Variants in ATXN7L1 observed in about 807,000 individuals in gnomAD.
ATXN7L1 encodes the protein ataxin-7-like protein 1.
ATXN7L1 carries 15 observed loss-of-function variants against 70.8 expected under a neutral mutation model. The observed-to-expected ratio is 0.21, with a 90% CI of 0.14 to 0.33. ATXN7L1 has a LOEUF of 0.33. Ranked by LOEUF, ATXN7L1 falls within the 10% of genes least tolerant of loss-of-function variation. The probability of loss-of-function intolerance (pLI) is 1.00; values close to 1 mark genes in which losing one functional copy is unlikely to be tolerated. For missense variants in ATXN7L1, 975 were observed against 1,097.1 expected (o/e 0.89, Z 1.57); for synonymous variants, 440 against 445.1 (o/e 0.99, Z 0.14).
rs375919209 is a variant in ATXN7L1, at chr7:105,706,566, A to AAAAAAC, written c.356-41284_356-41279dup. Among the ~76,000 whole-genome samples the AAAAAAC allele has an allele frequency of 5.2e-4, 79 of 152,266 alleles. 1 individual carries two copies. The highest frequency in any genetic ancestry group is 1.5e-3 in the South Asian group (7 of 4,816). The stretch of plus-strand genomic sequence containing the variant: ...AAAACACCACCACCACCACCACCAA[A>AAAAAAC]AAAAACAAAAACAAAAACAAAAACA... On this transcript the variant is annotated intron_variant, in intron 3 of 11. Transcript: ENST00000419735.
At chr7:105,750,009 GCTGTACCCCACAGGA>G in intron 3 of ATXN7L1, among the ~76,000 whole-genome samples, 1 of 151,824 alleles carries the variant, frequency 6.6e-6, no homozygotes, top group African/African-American at 2.4e-5. Flanking sequence ...GCCTTTAACA[GCTGTACCCCACAGGA>G]ACCTATGAGG....
intron 8 of ATXN7L1, among the ~76,000 whole-genome samples, chr7:105,623,037 T>C (rs1311956434): frequency 6.6e-6 from 1 of 152,154 alleles, no homozygotes; most frequent in Non-Finnish European, 1.5e-5. Flanking sequence ...GCCAGATGAG[T>C]TGAATGTTCC....
intron 3 of ATXN7L1, among the ~76,000 whole-genome samples, chr7:105,682,097 C>T (rs181533300): frequency 9.3e-4 from 141 of 152,096 alleles, no homozygotes; most frequent in South Asian, 1.5e-3. Context: ...TGGTGGTGTG[C>T]ACCTGTAGTC....
At chr7:105,692,415 T>TTCCTTCCTTCCCTCCCTCCCTCCCTCCC (rs1554431656) in intron 3 of ATXN7L1, among the ~76,000 whole-genome samples, 1 of 134,764 alleles carries the variant, frequency 7.4e-6, no homozygotes, top group Non-Finnish European at 1.6e-5. Context: ...CCTTCCTTCC[T>TTCCTTCCTTCCCTCCCTCCCTCCCTCCC]TCCTTCCTTC....
chr7:105,633,381 G>A (rs1244248667), intron 7 of ATXN7L1, among the ~76,000 whole-genome samples: 3 of 152,192 alleles, frequency 2.0e-5, no homozygotes, highest in African/African-American at 7.2e-5. Flanking sequence ...AATTATTTAA[G>A]CACAGTTTAA....
intron 2 of ATXN7L1, among the ~76,000 whole-genome samples, chr7:105,862,340 G>A (rs1479112569): frequency 1.3e-5 from 2 of 152,100 alleles, no homozygotes; most frequent in Non-Finnish European, 2.9e-5. Context: ...GAGGGAGGCT[G>A]AGGTGGGAGG....
intron 3 of ATXN7L1, among the ~76,000 whole-genome samples, chr7:105,787,385 T>G (rs1330492993): frequency 3.3e-5 from 5 of 152,122 alleles, no homozygotes; most frequent in Non-Finnish European, 7.4e-5. Context: ...GGCCCTTGCT[T>G]TGCCTTGTGC....
intron 2 of ATXN7L1, among the ~76,000 whole-genome samples, chr7:105,812,725 G>T (rs189450034): frequency 6.6e-6 from 1 of 152,342 alleles, no homozygotes; most frequent in African/African-American, 2.4e-5. Flanking sequence ...ATCTAGCTGG[G>T]CATGGTGGCT....
At chr7:105,790,645 T>C (rs1268227844) in intron 2 of ATXN7L1, among the ~76,000 whole-genome samples, 2 of 150,280 alleles carry the variant, frequency 1.3e-5, no homozygotes, top group Non-Finnish European at 3.0e-5. Context: ...TATCTATCTA[T>C]CTATCTATCA....
chr7:105,873,156 AAAAACAAAACAAAAC>A (rs67923679), intron 2 of ATXN7L1, among the ~76,000 whole-genome samples: 6 of 150,784 alleles, frequency 4.0e-5, no homozygotes, highest in Admixed American at 6.6e-5. Flanking sequence ...TCCGTCTCAA[AAAAACAAAACAAAAC>A]AAAACAAAAC....
intron 2 of ATXN7L1, among the ~76,000 whole-genome samples, chr7:105,861,561 C>A (rs1247222386): frequency 6.6e-6 from 1 of 151,788 alleles, no homozygotes; most frequent in East Asian, 1.9e-4. Context: ...GTCTGAGATG[C>A]ACAATGACAT....
At chr7:105,707,041 C>T (rs62487047) in intron 3 of ATXN7L1, among the ~76,000 whole-genome samples, 12,414 of 152,234 alleles carry the variant, frequency 0.082, 617 homozygotes, top group Non-Finnish European at 0.11. Context: ...ATGCAATGCA[C>T]AGCATTTAGC....
intron 2 of ATXN7L1, 64 bp downstream of exon 2, chr7:105,875,748 A>G (rs1819143036): frequency 1.3e-6 from 2 of 1,508,002 alleles, no homozygotes; most frequent in South Asian, 2.3e-5. Context: ...TTCACATTAT[A>G]TTCGAAATCC....
At chr7:105,684,746 C>T (rs1396018172) in intron 3 of ATXN7L1, among the ~76,000 whole-genome samples, 1 of 152,232 alleles carries the variant, frequency 6.6e-6, no homozygotes, top group African/African-American at 2.4e-5. Context: ...TGCTCATACA[C>T]AACGTGGAAG....
chr7:105,825,098 G>A lies in ATXN7L1; in HGVS notation c.251-36390C>T, dbSNP rs897424059. ...TGACACTAGAGCCAGAGGACAATAC[G>A]AAAATGTCTTTAAAATCCCGAGAGA... On this transcript the variant is annotated intron_variant, in intron 2 of 11. Transcript: ENST00000419735. Among the ~76,000 whole-genome samples the A allele has an allele frequency of 2.8e-4, 43 of 152,284 alleles. 1 individual carries two copies. The highest frequency in any genetic ancestry group is 8.4e-4 in the African/African-American group (35 of 41,564).
intron 3 of ATXN7L1, among the ~76,000 whole-genome samples, chr7:105,736,771 G>A (rs1248705197): frequency 6.6e-6 from 1 of 152,218 alleles, no homozygotes; most frequent in African/African-American, 2.4e-5. Flanking sequence ...CTCTGGGAGT[G>A]GGGGCTGGTG....
intron 3 of ATXN7L1, among the ~76,000 whole-genome samples, chr7:105,764,579 C>A (rs1486790897): frequency 6.6e-6 from 1 of 152,188 alleles, no homozygotes; most frequent in Non-Finnish European, 1.5e-5. Flanking sequence ...CAGTCATAAG[C>A]TATTGACTGA....
At chr7:105,862,304 C>T (rs910158910) in intron 2 of ATXN7L1, among the ~76,000 whole-genome samples, 16 of 152,128 alleles carry the variant, frequency 1.1e-4, no homozygotes, top group African/African-American at 3.1e-4. Flanking sequence ...GGCATGGGGG[C>T]GTGCACCTGT....
intron 3 of ATXN7L1, among the ~76,000 whole-genome samples, chr7:105,733,584 ATCC>A (rs1796898472): frequency 4.2e-4 from 54 of 129,602 alleles, no homozygotes; most frequent in African/African-American, 6.4e-4. Flanking sequence ...CCATCCACCC[ATCC>A]ATCCATCCAT....
Sources: allele counts gnomAD v4.1 joint callset (sites outside exome capture counted in the v4.1 genomes callset), GRCh38; gene constraint gnomAD v4.1.1; transcripts MANE v1.5; gene names NCBI Gene and HGNC (gene_info 2026-07-23, HGNC 2026-07-21).